ABCB5: variants seen among roughly 807,000 people sequenced by gnomAD.
The protein encoded by ABCB5 is ATP-binding cassette sub-family B member 5.
In ABCB5, 155 loss-of-function variants were observed where a neutral mutation model predicts 144.2. The observed-to-expected ratio is 1.08, with a 90% confidence interval of 0.94 to 1.23. The LOEUF is 1.23. Among genes scored for constraint, ABCB5 ranks in the 50% most tolerant of loss-of-function variants. The pLI, the probability that ABCB5 is intolerant of heterozygous loss-of-function variation, is 0.00. For synonymous variants in ABCB5, 610 were observed against 528.6 expected (o/e 1.15, Z -2.11); for missense variants, 1,830 against 1,520.8 (o/e 1.20, Z -3.38).
intron 4 of ABCB5, among the ~76,000 whole-genome samples, chr7:20,630,062 T>G (rs571801806): frequency 5.5e-4 from 78 of 141,852 alleles, no homozygotes; most frequent in Non-Finnish European, 9.7e-4. Flanking sequence ...CAGGGTCATG[T>G]CTTTCAAGGT....
chr7:20,679,568 C>G (rs1390307452), intron 14 of ABCB5, among the ~76,000 whole-genome samples: 1 of 150,938 alleles, frequency 6.6e-6, no homozygotes, highest in Admixed American at 6.6e-5. Context: ...GTTCTCACTT[C>G]TACAGTATAT....
At chr7:20,666,216 G>A (rs957570336) in intron 14 of ABCB5, among the ~76,000 whole-genome samples, 6 of 151,930 alleles carry the variant, frequency 3.9e-5, no homozygotes, top group Admixed American at 2.0e-4. Flanking sequence ...CTACATCATG[G>A]AGTACATGTC....
At chr7:20,750,416 ACAC>A (rs1250533625) in intron 26 of ABCB5, among the ~76,000 whole-genome samples, 2 of 151,866 alleles carry the variant, frequency 1.3e-5, no homozygotes, top group Non-Finnish European at 2.9e-5. Flanking sequence ...ACACACACAC[ACAC>A]ATATACACAC....
At chr7:20,736,205 T>C (rs1782374167) in intron 23 of ABCB5, among the ~76,000 whole-genome samples, 1 of 152,264 alleles carries the variant, frequency 6.6e-6, no homozygotes. Flanking sequence ...GCTTTTTTTT[T>C]CTTTTTTGTT....
At chr7:20,673,147 G>A (rs1488595610) in intron 14 of ABCB5, among the ~76,000 whole-genome samples, 1 of 152,012 alleles carries the variant, frequency 6.6e-6, no homozygotes, top group East Asian at 1.9e-4. Context: ...TGTATGACTT[G>A]AATACAAGTA....
chr7:20,658,811 C>A, intron 14 of ABCB5, 135 bp downstream of exon 14: 1 of 1,131,980 alleles, frequency 8.8e-7, no homozygotes, highest in Non-Finnish European at 1.2e-6. Context: ...TGTTAATCCA[C>A]TGAGAACTTA....
intron 2 of ABCB5, among the ~76,000 whole-genome samples, chr7:20,623,932 C>CCAG (rs1783854037): frequency 6.6e-6 from 1 of 152,070 alleles, no homozygotes; most frequent in Non-Finnish European, 1.5e-5. Flanking sequence ...CAGAAAATAG[C>CCAG]CAGAGAGGGC....
At chr7:20,647,743 G>T (rs1288375732) in intron 10 of ABCB5, 95 bp downstream of exon 10, 17 of 1,496,236 alleles carry the variant, frequency 1.1e-5, no homozygotes, top group Non-Finnish European at 1.4e-5. Flanking sequence ...CAATAGGATG[G>T]ACAAATTTAA....
intron 14 of ABCB5, among the ~76,000 whole-genome samples, chr7:20,674,590 CA>C (rs1785546464): frequency 6.6e-6 from 1 of 150,838 alleles, no homozygotes. Flanking sequence ...TATACAAACA[CA>C]CAAAAACACC....
intron 10 of ABCB5, 132 bp downstream of exon 10, chr7:20,647,780 G>C (rs1193306474): frequency 2.9e-6 from 4 of 1,377,738 alleles, no homozygotes; most frequent in South Asian, 1.4e-5. Flanking sequence ...ATGGGAAAGA[G>C]AGACTGCCTT....
intron 16 of ABCB5, among the ~76,000 whole-genome samples, chr7:20,691,378 C>T (rs1562564551): frequency 6.6e-6 from 1 of 151,434 alleles, no homozygotes; most frequent in Non-Finnish European, 1.5e-5. Flanking sequence ...GAGAGAACTT[C>T]TCAGAAAGAG....
intron 5 of ABCB5, among the ~76,000 whole-genome samples, chr7:20,636,782 C>CA (rs35824075): frequency 0.17 from 12,722 of 74,028 alleles, 1,182 homozygotes; most frequent in Non-Finnish European, 0.28. Context: ...AAGACTCCAT[C>CA]AAAAAAAAAA....
chr7:20,655,204 A>AT lies in ABCB5; in HGVS notation c.1537-3301dup, dbSNP rs1784737973. Among the ~76,000 whole-genome samples, 4 of 152,228 alleles carry AT rather than the reference A, an allele frequency of 2.6e-5. No individual in the cohort carries two copies. In the South Asian group the frequency reaches 6.2e-4, roughly 24 times the overall value. ...TATAAACAGCTGGGCATTTTTTGACATAAAGTCCTGTAATCCCAGCACTTT... is the reference window on the plus strand; with the variant it reads ...TATAAACAGCTGGGCATTTTTTGACATTAAAGTCCTGTAATCCCAGCACTTT... On this transcript the variant is annotated intron_variant, in intron 13 of 27. Coordinates refer to ENST00000404938, the MANE Select transcript of ABCB5 (RefSeq NM_001163941.2).
At chr7:20,654,237 A>G (rs886303717) in intron 13 of ABCB5, among the ~76,000 whole-genome samples, 3 of 151,824 alleles carry the variant, frequency 2.0e-5, no homozygotes. Context: ...AGTCTCTTCA[A>G]CACAACAATT....
At chr7:20,724,185 T>TC (rs1416896524) in intron 21 of ABCB5, among the ~76,000 whole-genome samples, 2 of 88,580 alleles carry the variant, frequency 2.3e-5, no homozygotes, top group South Asian at 7.2e-4. Flanking sequence ...TCCTTTTCTT[T>TC]CTTTTTTTCT....
At position 20,685,844 on chromosome 7, in the gene ABCB5, C is replaced by T. The variant is rs762607368; in HGVS notation, c.2010+8C>T. On this transcript the variant is annotated splice_region_variant and intron_variant, in intron 16 of 27. Coordinates refer to ENST00000404938, the MANE Select transcript of ABCB5 (RefSeq NM_001163941.2). ...TCCACCCAATCTAAAGAGGTAATGGCTCAGCGATCAACCAGTTTTTCCTGC... is the reference window on the plus strand; with the variant it reads ...TCCACCCAATCTAAAGAGGTAATGGTTCAGCGATCAACCAGTTTTTCCTGC... 1 of 1,575,524 alleles carries T rather than the reference C, an allele frequency of 6.3e-7. No homozygotes were observed. Among genetic ancestry groups the T allele is most frequent in the Non-Finnish European group, 8.6e-7 (1 of 1,167,264 alleles).
At chr7:20,677,083 G>A (rs772144196) in intron 14 of ABCB5, among the ~76,000 whole-genome samples, 7 of 152,068 alleles carry the variant, frequency 4.6e-5, no homozygotes, top group African/African-American at 7.2e-5. Flanking sequence ...ACTGTATTAC[G>A]AGTTTTTATT....
intron 22 of ABCB5, among the ~76,000 whole-genome samples, chr7:20,727,344 G>T (rs200266111): frequency 6.6e-6 from 1 of 152,062 alleles, no homozygotes; most frequent in African/African-American, 2.4e-5. Flanking sequence ...AATATTTTAG[G>T]TCCTCTCACA....
intron 26 of ABCB5, among the ~76,000 whole-genome samples, chr7:20,748,971 A>G (rs887668413): frequency 1.3e-5 from 2 of 152,054 alleles, no homozygotes; most frequent in African/African-American, 4.8e-5. Flanking sequence ...TTTACTACAA[A>G]CTTTGTGGAT....
Sources: allele counts gnomAD v4.1 joint callset (sites outside exome capture counted in the v4.1 genomes callset), GRCh38; gene constraint gnomAD v4.1.1; transcripts MANE v1.5; gene names NCBI Gene and HGNC (gene_info 2026-07-23, HGNC 2026-07-21).